MGST1: variants seen among roughly 807,000 people sequenced by gnomAD.
MGST1 encodes the protein glutathione S-transferase 12.
MGST1 carries 5 observed loss-of-function variants against 8.9 expected under a neutral mutation model. The observed-to-expected ratio is 0.56, with a 90% CI of 0.29 to 1.19. The LOEUF (loss-of-function observed/expected upper bound fraction) is 1.19, where lower values mean the gene tolerates loss of function less well. Ranked by LOEUF, MGST1 falls within the 50% of genes most tolerant of loss-of-function variation. The probability of loss-of-function intolerance (pLI) is 0.08; values close to 1 mark genes in which losing one functional copy is unlikely to be tolerated. For synonymous variants in MGST1, 54 were observed against 67.8 expected (o/e 0.80, Z 1.00); for missense variants, 182 against 187.4 (o/e 0.97, Z 0.17).
At chr12:16,400,798 C>T (rs1430339155) in intron 1 of MGST1, 2 of 1,236,416 alleles carry the variant, frequency 1.6e-6, no homozygotes, top group Non-Finnish European at 2.4e-6. Context: ...CAATGCCAAA[C>T]ACAGGCATTA....
chr12:16,351,123 T>C (rs1484138849), intron 1 of MGST1, among the ~76,000 whole-genome samples: 1 of 152,148 alleles, frequency 6.6e-6, no homozygotes, highest in Non-Finnish European at 1.5e-5. Flanking sequence ...ATAGAGAATG[T>C]TTTAGTTTTA....
chr12:16,449,716 C>A (rs1212547235), intron 4 of MGST1, among the ~76,000 whole-genome samples: 1 of 151,906 alleles, frequency 6.6e-6, no homozygotes, highest in Non-Finnish European at 1.5e-5. Context: ...TCAAATTTTG[C>A]CCCAAAAGAA....
chr12:16,349,126 C>T (rs999965501), intron 1 of MGST1: 4 of 152,194 alleles, frequency 2.6e-5, no homozygotes, highest in African/African-American at 9.6e-5. Flanking sequence ...ACATGGCCAC[C>T]GAATTATCTT....
Position 16,446,875 on chromosome 12 carries a change from G to T in MGST1, n.482+63271G>T, listed in dbSNP as rs75324240. Among the ~76,000 whole-genome samples the T allele has an allele frequency of 5.8e-3, 884 of 151,778 alleles. 29 individuals are homozygous for T. The East Asian group carries it at 0.072, about 12-fold the overall frequency. On this transcript the variant is annotated intron_variant and non_coding_transcript_variant, in intron 4 of 4. Coordinates refer to the MGST1 transcript ENST00000538857. ...CACCACTGAACTTCTTGTTGATTCT[G>T]GTGTCCCTCTCCCTTGTACACTCCT...
chr12:16,389,253 T>A lies in MGST1; in HGVS notation n.778+5649T>A, dbSNP rs1362270564. Among the ~76,000 whole-genome samples the A allele has an allele frequency of 6.6e-6, 1 of 152,188 alleles. No homozygotes were observed. The highest frequency in any genetic ancestry group is 2.4e-5 in the African/African-American group (1 of 41,440). Reference sequence around the variant, plus strand: ...CACAAACTGAAAAGAAATAGTTTGTTTACTCGATGCATCAACAGTTTGTAT... The same window carrying A: ...CACAAACTGAAAAGAAATAGTTTGTATACTCGATGCATCAACAGTTTGTAT... On this transcript the variant is annotated intron_variant and non_coding_transcript_variant, in intron 1 of 1. Coordinates refer to the MGST1 transcript ENST00000359720. The surrounding 1 kb of genome is among the most constrained non-coding windows in gnomAD (Gnocchi z 4.6).
intron 4 of MGST1, among the ~76,000 whole-genome samples, chr12:16,486,437 G>A (rs572658942): frequency 7.2e-5 from 11 of 152,154 alleles, no homozygotes; most frequent in Non-Finnish European, 1.5e-5. Context: ...TTTGAAAAAT[G>A]TATAAAATAA....
rs1014878213 is a variant in MGST1, at chr12:16,369,971, G to C, written c.222-6151G>C. ...ATGAACCGCAAAGTCACATGGCACA[G>C]GGGCATGGATGCACAGAGGGATGAA... On this transcript the variant is annotated intron_variant, in intron 3 of 3. Transcript: ENST00000535309. This position sits in a 1 kb window ranked among gnomAD's most constrained non-coding sequence, Gnocchi z 4.8. The C allele has an allele frequency of 1.3e-5, 2 of 152,204 alleles. No homozygotes were observed. Among genetic ancestry groups the C allele is most frequent in the African/African-American group, 4.8e-5 (2 of 41,466 alleles). 9.4% of individuals were successfully genotyped at this position (152,204 alleles called of 1,614,324 possible). A position where few individuals can be genotyped will look rare whatever the true frequency, so the allele number is the denominator to read the frequency against.
At chr12:16,395,804 T>TATATATATATATATATATAAAC (rs1338860243) in intron 1 of MGST1, among the ~76,000 whole-genome samples, 1 of 123,696 alleles carries the variant, frequency 8.1e-6, no homozygotes, top group Non-Finnish European at 1.6e-5. Flanking sequence ...TATATATATA[T>TATATATATATATATATATAAAC]ACACACACAC....
At position 16,500,089 on chromosome 12, in the gene MGST1, G is replaced by A. The variant is rs570305934; in HGVS notation, n.483-89439G>A. Among the ~76,000 whole-genome samples, 1 of 152,226 alleles carries A rather than the reference G, an allele frequency of 6.6e-6. No homozygotes were observed. Among genetic ancestry groups the A allele is most frequent in the African/African-American group, 2.4e-5 (1 of 41,530 alleles). On this transcript the variant is annotated intron_variant and non_coding_transcript_variant, in intron 4 of 4. Coordinates refer to the MGST1 transcript ENST00000538857. This position sits in a 1 kb window ranked among gnomAD's most constrained non-coding sequence, Gnocchi z 4.3. ...AAGTATGTTTAAACTTTAGATATTT[G>A]TCAACAATTAATTATTTCTTAAAGA...
intron 1 of MGST1, among the ~76,000 whole-genome samples, chr12:16,391,221 C>A (rs1004790944): frequency 6.6e-6 from 1 of 151,008 alleles, no homozygotes; most frequent in Non-Finnish European, 1.5e-5. Flanking sequence ...TATACATGTA[C>A]CACGGTGGTT....
intron 4 of MGST1, among the ~76,000 whole-genome samples, chr12:16,484,400 T>TGTTTG (rs71054821): frequency 8.5e-5 from 13 of 152,134 alleles, no homozygotes; most frequent in Middle Eastern, 3.4e-3. Flanking sequence ...AGAATCTGTT[T>TGTTTG]TTTGTTTGTT....
chr12:16,460,069 G>A lies in MGST1; in HGVS notation n.482+76465G>A, dbSNP rs1236232712. On this transcript the variant is annotated intron_variant and non_coding_transcript_variant, in intron 4 of 4. Transcript: ENST00000538857. ...AGAACAATAGAACATACTCTTATAG[G>A]AATGACATTGGGATTAAATAAAACA... 2.0e-5 allele frequency among the ~76,000 whole-genome samples: 3 copies of A among 152,054 alleles called. No homozygotes were observed. In the East Asian group the frequency reaches 5.8e-4, roughly 29 times the overall value.
At chr12:16,505,654 G>T (rs1172540761) in intron 4 of MGST1, among the ~76,000 whole-genome samples, 1 of 151,790 alleles carries the variant, frequency 6.6e-6, no homozygotes, top group Non-Finnish European at 1.5e-5. Flanking sequence ...CTCTTCACAT[G>T]TTTTTTTATA....
chr12:16,553,213 C>A (rs1051574958), intron 4 of MGST1, among the ~76,000 whole-genome samples: 2 of 152,026 alleles, frequency 1.3e-5, no homozygotes, highest in African/African-American at 4.8e-5. Context: ...AGACTCCGTG[C>A]CAGAATTTCA....
intron 1 of MGST1, among the ~76,000 whole-genome samples, chr12:16,387,304 A>G (rs570194186): frequency 2.6e-5 from 4 of 152,164 alleles, no homozygotes; most frequent in Non-Finnish European, 4.4e-5. Context: ...GAAAATTTCT[A>G]TCACCTAGTG....
intron 4 of MGST1, among the ~76,000 whole-genome samples, chr12:16,496,361 CAT>C (rs751581952): frequency 2.8e-4 from 43 of 152,116 alleles, no homozygotes; most frequent in Non-Finnish European, 3.8e-4. Flanking sequence ...TATCCAGAAA[CAT>C]GTGTGAATCT....
Position 16,513,523 on chromosome 12 carries a change from C to T in MGST1, n.483-76005C>T. On this transcript the variant is annotated intron_variant and non_coding_transcript_variant, in intron 4 of 4. Transcript: ENST00000538857. This position sits in a 1 kb window ranked among gnomAD's most constrained non-coding sequence, Gnocchi z 4.2. ...GGAGATGGGACCACCAGATCCCATC[C>T]TTGGAGTCACCGAAGGCTTTAAGAG... 1 of 482,904 alleles carries T rather than the reference C, an allele frequency of 2.1e-6. No homozygotes were observed. Among genetic ancestry groups the T allele is most frequent in the Middle Eastern group, 6.6e-4 (1 of 1,514 alleles). The allele number at this position is 482,904 out of a possible 1,614,324, so 29.9% of individuals were successfully genotyped here.
At chr12:16,408,323 G>C (rs749700724) in intron 1 of MGST1, among the ~76,000 whole-genome samples, 1 of 152,220 alleles carries the variant, frequency 6.6e-6, no homozygotes, top group African/African-American at 2.4e-5. Flanking sequence ...AAATTCCCAT[G>C]ACAGGAGTTT....
At chr12:16,447,163 C>A (rs1460491887) in intron 4 of MGST1, among the ~76,000 whole-genome samples, 3 of 151,936 alleles carry the variant, frequency 2.0e-5, no homozygotes, top group African/African-American at 7.2e-5. Context: ...TGTTAAATCC[C>A]ATGGCCTTAT....
Sources: gnomAD v4.1 joint callset for allele counts (sites outside exome capture counted in the v4.1 genomes callset) on GRCh38, gnomAD v4.1.1 for gene constraint, Gnocchi (gnomAD v3.1) non-coding constraint, MANE v1.5 for transcripts, NCBI Gene and HGNC (gene_info 2026-07-23, HGNC 2026-07-21) for gene names.